TFEC: variants seen among roughly 807,000 people sequenced by gnomAD.
TFEC encodes the protein class E basic helix-loop-helix protein 34.
A neutral mutation model predicts 41.6 loss-of-function variants in TFEC; 31 were observed. The observed-to-expected ratio is 0.74, with a 90% CI of 0.56 to 1.01. The LOEUF is 1.01. Among genes scored for constraint, TFEC ranks in the 50% least tolerant of loss-of-function variants. TFEC has a pLI of 0.00. For missense variants in TFEC, 402 were observed against 404.1 expected (o/e 0.99, Z 0.04); for synonymous variants, 143 against 140.6 (o/e 1.02, Z -0.12).
chr7:116,059,176 G>C (rs1796496283), intron 3 of TFEC, among the ~76,000 whole-genome samples: 1 of 151,820 alleles, frequency 6.6e-6, no homozygotes, highest in Admixed American at 6.6e-5. Context: ...TGAGAGAGGT[G>C]ACATCACTAA....
At chr7:116,115,614 C>A in intron 1 of TFEC, among the ~76,000 whole-genome samples, 1 of 151,926 alleles carries the variant, frequency 6.6e-6, no homozygotes, top group South Asian at 2.1e-4. Context: ...GATAACCCCA[C>A]AAAAATCTCC....
intron 1 of TFEC, chr7:116,120,567 G>C (rs1303409603): frequency 6.6e-6 from 1 of 151,984 alleles, no homozygotes. Flanking sequence ...GTCTGTGATA[G>C]AGACTGCATG....
intron 1 of TFEC, among the ~76,000 whole-genome samples, chr7:116,131,443 CA>C (rs759360761): frequency 1.3e-5 from 2 of 152,062 alleles, no homozygotes; most frequent in Non-Finnish European, 2.9e-5. Flanking sequence ...ACCTTGGTCA[CA>C]AAGATATCAT....
At chr7:116,109,652 T>C (rs1453969522) in intron 3 of TFEC, among the ~76,000 whole-genome samples, 1 of 152,208 alleles carries the variant, frequency 6.6e-6, no homozygotes, top group African/African-American at 2.4e-5. Context: ...TCAACCATTG[T>C]GGAAGACAGT....
intron 3 of TFEC, among the ~76,000 whole-genome samples, chr7:115,966,818 A>G (rs1267731355): frequency 6.6e-6 from 1 of 151,742 alleles, no homozygotes; most frequent in Non-Finnish European, 1.5e-5. Context: ...CATTCCTTCA[A>G]TAAGCATCCA....
intron 1 of TFEC, among the ~76,000 whole-genome samples, chr7:116,026,359 A>G (rs1422136526): frequency 6.6e-6 from 1 of 152,218 alleles, no homozygotes; most frequent in Non-Finnish European, 1.5e-5. Flanking sequence ...AGATTGGCAG[A>G]TAATTCATAT....
intron 1 of TFEC, among the ~76,000 whole-genome samples, chr7:116,144,358 T>C (rs557443535): frequency 3.3e-5 from 5 of 152,342 alleles, no homozygotes; most frequent in Non-Finnish European, 4.4e-5. Context: ...AACTGAATCA[T>C]GTTAACTGAA....
At chr7:116,016,844 A>G (rs896827285) in intron 1 of TFEC, among the ~76,000 whole-genome samples, 1 of 152,006 alleles carries the variant, frequency 6.6e-6, no homozygotes, top group African/African-American at 2.4e-5. Flanking sequence ...CTATCTCTCT[A>G]TATAATCACA....
At chr7:116,117,853 T>A (rs1424533886) in intron 1 of TFEC, among the ~76,000 whole-genome samples, 1 of 151,888 alleles carries the variant, frequency 6.6e-6, no homozygotes, top group Non-Finnish European at 1.5e-5. Context: ...TTATTGAGTA[T>A]CATGCAAGAT....
intron 1 of TFEC, among the ~76,000 whole-genome samples, chr7:116,151,651 T>C (rs1472212017): frequency 6.6e-6 from 1 of 151,994 alleles, no homozygotes; most frequent in Non-Finnish European, 1.5e-5. Context: ...CTTGTTACAA[T>C]GGAATTTTTT....
At chr7:116,099,634 T>C (rs761574033) in intron 3 of TFEC, among the ~76,000 whole-genome samples, 32 of 152,214 alleles carry the variant, frequency 2.1e-4, no homozygotes, top group Non-Finnish European at 4.0e-4. Context: ...ACAAGACTTT[T>C]GAGTGAAGCT....
At chr7:116,087,221 T>C (rs1797222006) in intron 3 of TFEC, among the ~76,000 whole-genome samples, 1 of 151,972 alleles carries the variant, frequency 6.6e-6, no homozygotes, top group East Asian at 1.9e-4. Flanking sequence ...AATACATTTA[T>C]TTGGAATAAA....
chr7:116,146,943 G>T (rs1055304775), intron 1 of TFEC, among the ~76,000 whole-genome samples: 1 of 152,124 alleles, frequency 6.6e-6, no homozygotes, highest in Non-Finnish European at 1.5e-5. Flanking sequence ...TTTTTGAAGT[G>T]AGTAATGTGA....
At chr7:116,034,766 T>C (rs903215086), upstream of TFEC, among the ~76,000 whole-genome samples, 12 of 151,934 alleles carry the variant, frequency 7.9e-5, no homozygotes, top group African/African-American at 2.7e-4. Flanking sequence ...AGCTTTTCTA[T>C]TCAAAACTTT....
intron 1 of TFEC, among the ~76,000 whole-genome samples, chr7:116,004,075 A>C (rs1794698252): frequency 6.6e-6 from 1 of 152,142 alleles, no homozygotes; most frequent in Non-Finnish European, 1.5e-5. Context: ...AAACAAGAAA[A>C]AGAAGAACAA....
At chr7:116,111,852 A>C in intron 2 of TFEC, 1 of 270,664 alleles carries the variant, frequency 3.7e-6, no homozygotes, top group Non-Finnish European at 5.7e-6. Flanking sequence ...TATATTTTTA[A>C]ATAACTCTGT....
intron 2 of TFEC, among the ~76,000 whole-genome samples, chr7:115,978,209 CA>C (rs1260409341): frequency 6.6e-6 from 1 of 151,962 alleles, no homozygotes; most frequent in Non-Finnish European, 1.5e-5. Flanking sequence ...AAAAAGGTAT[CA>C]TAAATATAAC....
intron 1 of TFEC, among the ~76,000 whole-genome samples, chr7:115,989,208 A>G (rs969538957): frequency 1.3e-5 from 2 of 152,166 alleles, no homozygotes; most frequent in Non-Finnish European, 2.9e-5. Context: ...GGTAAAATAA[A>G]ATTGCTTATT....
rs968097706 is a variant in TFEC, at chr7:115,935,163, T to G, written c.*5388A>C. On this transcript the variant is annotated 3_prime_UTR_variant, in exon 8 of 8. Transcript: ENST00000265440. The stretch of plus-strand genomic sequence containing the variant: ...AAAACTGTAAAACATTTCATAATTA[T>G]AGTCTTTCATTTAATATATGCAAAG... 6.6e-6 allele frequency: 1 copy of G among 151,758 alleles called. No individual in the cohort carries two copies. Among genetic ancestry groups the G allele is most frequent in the African/African-American group, 2.4e-5 (1 of 41,420 alleles). The allele number at this position is 151,758 out of a possible 1,614,324, so 9.4% of individuals were successfully genotyped here. A position where few individuals can be genotyped will look rare whatever the true frequency, so the allele number is the denominator to read the frequency against.
Sources: allele counts gnomAD v4.1 joint callset (sites outside exome capture counted in the v4.1 genomes callset), GRCh38; gene constraint gnomAD v4.1.1; transcripts MANE v1.5; gene names NCBI Gene and HGNC (gene_info 2026-07-23, HGNC 2026-07-21).